Variants in SCN1A observed in about 807,000 individuals in gnomAD.
The protein encoded by SCN1A is sodium voltage-gated channel alpha subunit 1, also known as sodium channel protein type 1 subunit alpha.
In SCN1A, 13 loss-of-function variants were observed where a neutral mutation model predicts 193.7. The observed-to-expected ratio is 0.07, with a 90% confidence interval of 0.04 to 0.11. SCN1A has a LOEUF of 0.11. SCN1A is among the 10% of genes least tolerant of loss of function. SCN1A has a pLI of 1.00. For synonymous variants in SCN1A, 781 were observed against 843.6 expected (o/e 0.93, Z 1.29); for missense variants, 1,432 against 2,451.1 (o/e 0.58, Z 8.78).
chr2:165,994,471 G>A, intron 27 of SCN1A, 55 bp from the exon 28 acceptor site: 2 of 1,523,828 alleles, frequency 1.3e-6, no homozygotes, highest in South Asian at 1.1e-5. Context: ...ATGTGCATTA[G>A]CATTAAGTAC....
At chr2:166,027,480 T>A (rs1439169170) in intron 19 of SCN1A, among the ~76,000 whole-genome samples, 2 of 151,954 alleles carry the variant, frequency 1.3e-5, no homozygotes, top group Non-Finnish European at 2.9e-5. Flanking sequence ...TAGAGTTTAG[T>A]AGGAGTTCAA....
intron 4 of SCN1A, among the ~76,000 whole-genome samples, chr2:166,072,732 T>C (rs1228329501): frequency 6.6e-6 from 1 of 152,058 alleles, no homozygotes; most frequent in Non-Finnish European, 1.5e-5. Context: ...AAAAATTGTA[T>C]AGTAAATCGA....
intron 25 of SCN1A, among the ~76,000 whole-genome samples, chr2:165,999,429 T>C (rs1226204095): frequency 6.6e-6 from 1 of 151,496 alleles, no homozygotes; most frequent in African/African-American, 2.4e-5. Context: ...CTACTAATTA[T>C]ATAATGTGTG....
intron 2 of SCN1A, among the ~76,000 whole-genome samples, chr2:166,102,235 G>T (rs961255187): frequency 6.6e-6 from 1 of 152,152 alleles, no homozygotes; most frequent in Non-Finnish European, 1.5e-5. Context: ...GGTGACTCGC[G>T]CCTGCAATCC....
intron 2 of SCN1A, among the ~76,000 whole-genome samples, chr2:166,078,644 A>T (rs1685207564): frequency 6.6e-6 from 1 of 151,804 alleles, no homozygotes; most frequent in Admixed American, 6.6e-5. Flanking sequence ...ACCAAAAGTA[A>T]ATATAAATGG....
At position 166,046,415 on chromosome 2, in the gene SCN1A, C is replaced by T. The variant is rs140774688; in HGVS notation, c.1377+355G>A. On this transcript the variant is annotated intron_variant, in intron 12 of 28. Coordinates refer to ENST00000674923, the MANE Select transcript of SCN1A (RefSeq NM_001165963.4). The stretch of plus-strand genomic sequence containing the variant: ...CTATGTTTAAGAACTAGAGGAGCAA[C>T]TCTTCATATGATAACCAATAATTTC... Among the ~76,000 whole-genome samples, 626 of 152,218 alleles carry T rather than the reference C, an allele frequency of 4.1e-3. 3 individuals are homozygous for T. Among genetic ancestry groups the T allele is most frequent in the Non-Finnish European group, 6.5e-3 (443 of 68,004 alleles).
rs1409447740 is a variant in SCN1A, at chr2:166,101,365, G to C, written c.-141-23564C>G. Among the ~76,000 whole-genome samples, 6 of 112,656 alleles carry C rather than the reference G, an allele frequency of 5.3e-5. No individual in the cohort carries two copies. In the South Asian group the frequency reaches 2.4e-3, roughly 45 times the overall value. 73.9% of individuals were successfully genotyped at this position (112,656 alleles called of 152,430 possible). ...CACACTCTGGGGACTGTGGTGGGGTGGGGGGAGGGGGGAGGGATAGCATTG... is the reference window on the plus strand; with the variant it reads ...CACACTCTGGGGACTGTGGTGGGGTCGGGGGAGGGGGGAGGGATAGCATTG... On this transcript the variant is annotated intron_variant, in intron 2 of 28. Transcript: ENST00000674923.
chr2:166,080,968 A>G (rs1331654089), intron 2 of SCN1A, among the ~76,000 whole-genome samples: 1 of 151,886 alleles, frequency 6.6e-6, no homozygotes, highest in Admixed American at 6.6e-5. Flanking sequence ...CATTTCTAAG[A>G]CTTTACTAAT....
intron 18 of SCN1A, 130 bp from the exon 19 acceptor site, chr2:166,036,660 C>T (rs2105798532): frequency 1.2e-6 from 1 of 858,548 alleles, no homozygotes; most frequent in East Asian, 2.7e-5. Context: ...GGAAACACCA[C>T]AGCATAGTGA....
At position 166,054,690 on chromosome 2, in the gene SCN1A, T is replaced by A. The variant is rs368798811; in HGVS notation, c.550A>T (p.Thr184Ser). 2 of 1,612,280 alleles carry A rather than the reference T, an allele frequency of 1.2e-6. No homozygotes were observed. Among genetic ancestry groups the A allele is most frequent in the South Asian group, 1.1e-5 (1 of 91,038 alleles). ...IARGFCLEDF[T>S]FLRDPWNWLD... ...CAGTTCCATGGATCCCGAAGGAAAG[T>A]AAAATCTTCTAAACAGAATCCCCTT... Residue 184 changes from threonine (T) to serine (S), a missense_variant, in exon 7 of 29, where the codon ACT becomes TCT. Physicochemically the swap from Thr to Ser is moderately conservative, Grantham distance 58. Around this residue, in one of 18 missense-constraint regions of SCN1A, gnomAD observed 123 missense variants for 282.8 expected, o/e 0.43. Coordinates refer to ENST00000674923, the MANE Select transcript of SCN1A (RefSeq NM_001165963.4).
intron 10 of SCN1A, 50 bp downstream of exon 10, chr2:166,048,836 T>C (rs1698159052): frequency 4.5e-6 from 5 of 1,114,890 alleles, no homozygotes; most frequent in East Asian, 2.4e-5. Flanking sequence ...GATACACATA[T>C]GTATGTGTAC....
rs573711859 is a variant in SCN1A, at chr2:166,135,099, C to A, written c.-50+13948G>T. ...TTCCTGATTTATTTCATTCAGCAAT[C>A]CCCCCTACCCCCCGACATCCCTTGC... On this transcript the variant is annotated intron_variant, in intron 1 of 26. Transcript: ENST00000635750. Among the ~76,000 whole-genome samples the A allele has an allele frequency of 1.6e-4, 25 of 152,110 alleles. No individual in the cohort carries two copies. The South Asian group carries it at 5.2e-3, about 32-fold the overall frequency.
chr2:165,993,442 G>A (rs147928482), intron 28 of SCN1A: 22 of 152,162 alleles, frequency 1.4e-4, no homozygotes, highest in African/African-American at 5.1e-4. Context: ...AGGGAAGAAT[G>A]AATAGGCCCA....
chr2:166,027,243 T>A (rs1315663707), intron 19 of SCN1A: 1 of 152,192 alleles, frequency 6.6e-6, no homozygotes, highest in Admixed American at 6.5e-5. Context: ...AGAGCAGTTT[T>A]CCTCCGCAGT....
At chr2:166,038,443 T>G (rs1244331980) in intron 17 of SCN1A, among the ~76,000 whole-genome samples, 1 of 151,882 alleles carries the variant, frequency 6.6e-6, no homozygotes, top group Non-Finnish European at 1.5e-5. Context: ...CAGGTTAAAG[T>G]GATCCTCCTG....
chr2:166,129,037 A>G (rs927973917), upstream of SCN1A, among the ~76,000 whole-genome samples: 2 of 152,214 alleles, frequency 1.3e-5, no homozygotes, highest in Non-Finnish European at 2.9e-5. Context: ...TAACACACTT[A>G]TTACAATCAT....
chr2:166,011,170 G>A (rs1168625796), intron 22 of SCN1A, among the ~76,000 whole-genome samples: 4 of 151,010 alleles, frequency 2.6e-5, no homozygotes, highest in Non-Finnish European at 5.9e-5. Context: ...AAATAGCTTA[G>A]TTTTGCCTTT....
At chr2:166,018,006 ATGAT>A (rs994304029) in intron 19 of SCN1A, among the ~76,000 whole-genome samples, 2 of 152,048 alleles carry the variant, frequency 1.3e-5, no homozygotes, top group African/African-American at 2.4e-5. Flanking sequence ...CCACAGATAA[ATGAT>A]TGATTCTTTG....
intron 1 of SCN1A, among the ~76,000 whole-genome samples, chr2:166,136,467 A>G (rs1691863515): frequency 6.6e-6 from 1 of 152,060 alleles, no homozygotes; most frequent in African/African-American, 2.4e-5. Context: ...ACAACTGCTA[A>G]TGAGTGTTCT....
Sources: allele counts gnomAD v4.1 joint callset (sites outside exome capture counted in the v4.1 genomes callset), GRCh38; gene constraint gnomAD v4.1.1; regional missense constraint gnomAD v4.1.1; transcripts MANE v1.5; gene names NCBI Gene and HGNC (gene_info 2026-07-23, HGNC 2026-07-21).